CTNNA3: variants seen among roughly 807,000 people sequenced by gnomAD.
CTNNA3 encodes the protein catenin alpha-3.
CTNNA3 carries 76 observed loss-of-function variants against 95.7 expected under a neutral mutation model. The observed-to-expected ratio is 0.79, with a 90% CI of 0.66 to 0.96. The LOEUF is 0.96. Among genes scored for constraint, CTNNA3 ranks in the 40% least tolerant of loss-of-function variants. The pLI is 0.00. For synonymous variants in CTNNA3, 431 were observed against 374.4 expected (o/e 1.15, Z -1.74); for missense variants, 1,191 against 1,089.8 (o/e 1.09, Z -1.31).
At chr10:66,626,119 T>C (rs1046312440) in intron 9 of CTNNA3, among the ~76,000 whole-genome samples, 8 of 152,170 alleles carry the variant, frequency 5.3e-5, no homozygotes, top group African/African-American at 1.7e-4. Flanking sequence ...GTTTTAACGT[T>C]CTAGTATTAA....
At chr10:66,921,264 C>T (rs915920149) in intron 7 of CTNNA3, among the ~76,000 whole-genome samples, 6 of 152,128 alleles carry the variant, frequency 3.9e-5, no homozygotes, top group East Asian at 3.9e-4. Context: ...AATACCATGA[C>T]CTAATTACCT....
chr10:66,467,459 G>T (rs1838963804), intron 11 of CTNNA3, among the ~76,000 whole-genome samples: 1 of 151,984 alleles, frequency 6.6e-6, no homozygotes, highest in Non-Finnish European at 1.5e-5. Flanking sequence ...CCCACTCCCA[G>T]GGAGTATGAT....
At chr10:67,135,574 C>A (rs1203519524) in intron 7 of CTNNA3, among the ~76,000 whole-genome samples, 1 of 152,104 alleles carries the variant, frequency 6.6e-6, no homozygotes, top group African/African-American at 2.4e-5. Flanking sequence ...ACTCAGGAGG[C>A]TGAGGCAGGA....
intron 9 of CTNNA3, among the ~76,000 whole-genome samples, chr10:66,680,051 A>G (rs4746630): frequency 0.55 from 84,238 of 151,938 alleles, 24,097 homozygotes; most frequent in African/African-American, 0.68. Context: ...GGAGTGCAGT[A>G]GCTTGATCTC....
At chr10:67,253,162 C>T (rs780390699) in intron 5 of CTNNA3, among the ~76,000 whole-genome samples, 1 of 152,110 alleles carries the variant, frequency 6.6e-6, no homozygotes, top group Non-Finnish European at 1.5e-5. Flanking sequence ...CACACAAATG[C>T]TGCAATACTG....
intron 10 of CTNNA3, among the ~76,000 whole-genome samples, chr10:66,570,680 G>A (rs563517543): frequency 6.6e-6 from 1 of 150,566 alleles, no homozygotes; most frequent in African/African-American, 2.4e-5. Flanking sequence ...GTCTCAGATG[G>A]AGCAAAAGTA....
intron 7 of CTNNA3, among the ~76,000 whole-genome samples, chr10:67,025,744 C>A (rs1055462888): frequency 4.6e-5 from 7 of 152,028 alleles, no homozygotes; most frequent in Non-Finnish European, 1.5e-5. Context: ...AGTTATAATG[C>A]CCATTAACAT....
At chr10:66,919,054 C>T (rs1356241174) in intron 7 of CTNNA3, among the ~76,000 whole-genome samples, 2 of 149,326 alleles carry the variant, frequency 1.3e-5, no homozygotes, top group East Asian at 4.1e-4. Context: ...AGAATCACTT[C>T]AACCCGGGAG....
intron 6 of CTNNA3, among the ~76,000 whole-genome samples, chr10:67,188,570 A>T (rs1862971818): frequency 6.6e-6 from 1 of 152,226 alleles, no homozygotes; most frequent in Non-Finnish European, 1.5e-5. Context: ...TACAGCTATC[A>T]TGAAAAACAG....
intron 11 of CTNNA3, among the ~76,000 whole-genome samples, chr10:66,380,746 T>G (rs1279498537): frequency 6.6e-6 from 1 of 151,862 alleles, no homozygotes; most frequent in Non-Finnish European, 1.5e-5. Context: ...CCGGAATTAC[T>G]GAGATCTTAC....
intron 12 of CTNNA3, among the ~76,000 whole-genome samples, chr10:66,333,492 T>C (rs1377391040): frequency 6.6e-6 from 1 of 152,130 alleles, no homozygotes; most frequent in Non-Finnish European, 1.5e-5. Flanking sequence ...ATGTACCCAG[T>C]AGTCATTCAG....
chr10:66,144,011 C>A (rs1017967792), intron 13 of CTNNA3, among the ~76,000 whole-genome samples: 4 of 152,164 alleles, frequency 2.6e-5, no homozygotes, highest in Non-Finnish European at 5.9e-5. Context: ...CCCCATGGGA[C>A]CTTTAAATAC....
intron 1 of CTNNA3, among the ~76,000 whole-genome samples, chr10:67,763,253 C>T (rs1841471855): frequency 6.8e-6 from 1 of 146,416 alleles, no homozygotes; most frequent in African/African-American, 2.5e-5. Flanking sequence ...TGGGATCCCT[C>T]CTGTAGCTCT....
At chr10:66,554,447 A>C (rs1842329233) in intron 10 of CTNNA3, among the ~76,000 whole-genome samples, 2 of 152,110 alleles carry the variant, frequency 1.3e-5, no homozygotes, top group African/African-American at 4.8e-5. Flanking sequence ...CTTTTTGCCT[A>C]ATTCTCTCTG....
intron 8 of CTNNA3, among the ~76,000 whole-genome samples, chr10:66,769,933 C>T (rs1173634518): frequency 1.3e-5 from 2 of 152,134 alleles, no homozygotes; most frequent in African/African-American, 2.4e-5. Flanking sequence ...CACTAAGGTC[C>T]TAGTTTTAGT....
At chr10:67,039,739 G>A (rs775829947) in intron 7 of CTNNA3, among the ~76,000 whole-genome samples, 15 of 152,062 alleles carry the variant, frequency 9.9e-5, no homozygotes, top group African/African-American at 2.9e-4. Context: ...CTGCAAAATC[G>A]AAACAAGCAA....
intron 11 of CTNNA3, among the ~76,000 whole-genome samples, chr10:66,487,946 T>C (rs919340138): frequency 2.0e-5 from 3 of 152,168 alleles, no homozygotes; most frequent in Non-Finnish European, 2.9e-5. Flanking sequence ...GCAAGGTAAG[T>C]GCCGTAAACC....
chr10:67,186,189 G>C (rs968700320), intron 6 of CTNNA3, among the ~76,000 whole-genome samples: 3 of 152,132 alleles, frequency 2.0e-5, no homozygotes, highest in African/African-American at 7.2e-5. Context: ...CTCCAGCATT[G>C]TGACAATAGG....
At chr10:66,812,939 TCTCA>T (rs1324769520) in intron 7 of CTNNA3, among the ~76,000 whole-genome samples, 1 of 152,186 alleles carries the variant, frequency 6.6e-6, no homozygotes, top group Non-Finnish European at 1.5e-5. Context: ...TTTTGTTTTC[TCTCA>T]CTATTTTGTT....
Sources: gnomAD v4.1 joint callset for allele counts (sites outside exome capture counted in the v4.1 genomes callset) on GRCh38, gnomAD v4.1.1 for gene constraint, MANE v1.5 for transcripts, NCBI Gene and HGNC (gene_info 2026-07-23, HGNC 2026-07-21) for gene names.